DYNC2H1: variants seen among roughly 807,000 people sequenced by gnomAD.
The protein encoded by DYNC2H1 is cytoplasmic dynein 2 heavy chain 1.
A neutral mutation model predicts 570.0 loss-of-function variants in DYNC2H1; 410 were observed. The ratio of observed to expected loss-of-function variants is 0.72; its 90% CI spans 0.66 to 0.78. DYNC2H1 has a LOEUF of 0.78. DYNC2H1 is among the 30% of genes least tolerant of loss of function. The probability of loss-of-function intolerance (pLI) is 0.00; values close to 1 mark genes in which losing one functional copy is unlikely to be tolerated. For synonymous variants in DYNC2H1, 1,688 were observed against 1,677.6 expected, an observed-to-expected ratio of 1.01 and a Z score of -0.15; for missense variants, 4,865 against 5,046.4, an observed-to-expected ratio of 0.96 and a Z score of 1.09.
At chr11:103,238,830 C>G (rs986738836) in intron 63 of DYNC2H1, among the ~76,000 whole-genome samples, 2 of 152,154 alleles carry the variant, frequency 1.3e-5, no homozygotes, top group African/African-American at 4.8e-5. Flanking sequence ...ACTACGTTAG[C>G]AGAAAGCTCA....
rs1864129865 is a variant in DYNC2H1, at chr11:103,234,110, G to A, written c.9517G>A (p.Glu3173Lys). 6.3e-7 allele frequency: 1 copy of A among 1,575,292 alleles called. No homozygotes were observed. The highest frequency in any genetic ancestry group is 1.8e-5 in the Admixed American group (1 of 54,348). ...GGCACAAGAAACAATCAAAGCTGCAGAAGTCTTAATTAATCAGCTTGACAG... is the reference window on the plus strand; with the variant it reads ...GGCACAAGAAACAATCAAAGCTGCAAAAGTCTTAATTAATCAGCTTGACAG... ...SKAQETIKAA[E>K]VLINQLDREH... is the part of the protein sequence containing the mutation. The change falls in exon 61 of 89, where the codon GAA (glutamate) becomes AAA (lysine). Residue 3173 changes from glutamate (E) to lysine (K), a missense_variant. Glu to Lys is a moderately conservative substitution (Grantham distance 56). Coordinates refer to ENST00000375735, the MANE Select transcript of DYNC2H1 (RefSeq NM_001377.3).
intron 18 of DYNC2H1, 111 bp downstream of exon 18, chr11:103,143,506 A>G: frequency 1.8e-6 from 2 of 1,100,104 alleles, no homozygotes; most frequent in Non-Finnish European, 2.5e-6. Context: ...TGCCTCCTCC[A>G]GATCTCATTT....
In DYNC2H1 at chr11:103,439,974, C is replaced by T. The variant is rs913054565; in HGVS notation, c.12456+3942C>T. ...TTGGCTTGTAGCGTATCCCTTACAGCAGTATATTCTGATTCTTCTGTGATG... is the reference window on the plus strand; with the variant it reads ...TTGGCTTGTAGCGTATCCCTTACAGTAGTATATTCTGATTCTTCTGTGATG... On this transcript the variant is annotated intron_variant, in intron 85 of 88. Coordinates refer to ENST00000375735, the MANE Select transcript of DYNC2H1 (RefSeq NM_001377.3). The surrounding 1 kb of genome is among the most constrained non-coding windows in gnomAD (Gnocchi z 4.1). Among the ~76,000 whole-genome samples the T allele has an allele frequency of 5.9e-5, 9 of 152,070 alleles. No individual in the cohort carries two copies. Among genetic ancestry groups the T allele is most frequent in the African/African-American group, 1.9e-4 (8 of 41,412 alleles).
chr11:103,174,148 CA>C lies in DYNC2H1; in HGVS notation c.5656del (p.Ser1886ValfsTer17). 1 of 1,579,352 alleles carries C rather than the reference CA, an allele frequency of 6.3e-7. No homozygotes were observed. The highest frequency in any genetic ancestry group is 8.6e-7 in the Non-Finnish European group (1 of 1,160,978). Reference sequence around the variant, plus strand: ...GTGGAAATCTCCTTAGACAGCTAAACAAAAGTGGCACTACACAGAATGGTAT... The same window carrying C: ...GTGGAAATCTCCTTAGACAGCTAAACAAAGTGGCACTACACAGAATGGTAT... ...GSGNLLRQLN[K>X]SGTTQNANES... On this transcript the variant is annotated frameshift_variant, in exon 36 of 89. Coordinates refer to ENST00000375735, the MANE Select transcript of DYNC2H1 (RefSeq NM_001377.3). LOFTEE classifies it high-confidence loss of function.
intron 54 of DYNC2H1, among the ~76,000 whole-genome samples, chr11:103,214,446 C>CT (rs200386358): frequency 0.17 from 21,395 of 127,102 alleles, 2,576 homozygotes; most frequent in African/African-American, 0.29. Context: ...ACTTCTTCTT[C>CT]TTTTTTTTTT....
At chr11:103,314,286 C>T (rs1937685539) in intron 79 of DYNC2H1, among the ~76,000 whole-genome samples, 1 of 152,010 alleles carries the variant, frequency 6.6e-6, no homozygotes, top group African/African-American at 2.4e-5. Context: ...ATAACTCAAA[C>T]AGTAGGTAGC....
chr11:103,180,712 C>T (rs1861816003), intron 39 of DYNC2H1, among the ~76,000 whole-genome samples: 1 of 151,244 alleles, frequency 6.6e-6, no homozygotes, highest in African/African-American at 2.4e-5. Flanking sequence ...TGGTATGAAG[C>T]AGTGTTGTAT....
chr11:103,146,309 A>C (rs1860237390), intron 18 of DYNC2H1, among the ~76,000 whole-genome samples: 1 of 152,224 alleles, frequency 6.6e-6, no homozygotes, highest in Non-Finnish European at 1.5e-5. Context: ...CAAAGTTTTC[A>C]GATTTGTTTT....
chr11:103,406,121 T>C (rs1205945017), intron 84 of DYNC2H1: 2 of 152,052 alleles, frequency 1.3e-5, no homozygotes, highest in African/African-American at 4.8e-5. Flanking sequence ...TGATGCAGAA[T>C]AGTCTTGCAG....
intron 84 of DYNC2H1, among the ~76,000 whole-genome samples, chr11:103,411,258 T>C (rs1367717506): frequency 1.3e-5 from 2 of 152,126 alleles, no homozygotes; most frequent in Non-Finnish European, 2.9e-5. Context: ...GGGTTACTCA[T>C]AATTAGGGTA....
chr11:103,317,674 C>A (rs1436255001), intron 80 of DYNC2H1, among the ~76,000 whole-genome samples: 1 of 152,018 alleles, frequency 6.6e-6, no homozygotes, highest in Non-Finnish European at 1.5e-5. Context: ...GGTGTTCTTC[C>A]TTCGGTCTGA....
chr11:103,173,126 T>G lies in DYNC2H1; in HGVS notation c.5379T>G (p.Pro1793=). Residue 1793 remains proline (P), a synonymous_variant, in exon 35 of 89, where the codon CCT becomes CCG. Transcript: ENST00000375735. ...CTGGAATTTTTATCACTATGAATCC[T>G]GCTGGAAAAGGTTATGGAGGAAGAC... ...SNSGIFITMN[P]AGKGYGGRQK... is the part of the protein sequence containing the mutation. 6.7e-7 allele frequency: 1 copy of G among 1,496,842 alleles called. No homozygotes were observed. The highest frequency in any genetic ancestry group is 8.9e-7 in the Non-Finnish European group (1 of 1,122,068). The allele number at this position is 1,496,842 out of a possible 1,614,324, so 92.7% of individuals were successfully genotyped here. A position where few individuals can be genotyped will look rare whatever the true frequency, so the allele number is the denominator to read the frequency against.
At chr11:103,125,402 ACTGC>A (rs1336552993) in intron 12 of DYNC2H1, 107 bp downstream of exon 12, 3 of 812,472 alleles carry the variant, frequency 3.7e-6, no homozygotes, top group Non-Finnish European at 5.3e-6. Flanking sequence ...ATAGAATAGC[ACTGC>A]CAGCTGTGAA....
intron 82 of DYNC2H1, among the ~76,000 whole-genome samples, chr11:103,327,915 G>A (rs1020025351): frequency 3.9e-5 from 6 of 152,024 alleles, no homozygotes; most frequent in African/African-American, 7.2e-5. Context: ...AAGGAACAGG[G>A]GTTTCATGAC....
At chr11:103,383,113 G>T (rs1408094288) in intron 83 of DYNC2H1, among the ~76,000 whole-genome samples, 1 of 152,210 alleles carries the variant, frequency 6.6e-6, no homozygotes, top group African/African-American at 2.4e-5. Flanking sequence ...TTGAGGGGGG[G>T]ATTCTTTGGC....
intron 85 of DYNC2H1, among the ~76,000 whole-genome samples, chr11:103,442,710 T>C (rs915118440): frequency 2.0e-5 from 3 of 152,092 alleles, no homozygotes; most frequent in Non-Finnish European, 2.9e-5. Context: ...ACAAAATCTT[T>C]CCCGAATTTC....
Position 103,152,278 on chromosome 11 carries a change from A to G in DYNC2H1, c.3089A>G (p.Lys1030Arg). The G allele has an allele frequency of 6.3e-7, 1 of 1,599,668 alleles. No homozygotes were observed. Among genetic ancestry groups the G allele is most frequent in the Non-Finnish European group, 8.5e-7 (1 of 1,175,574 alleles). The part of the protein sequence containing the change: ...LMMESHQLMI[K>R]DQIEVMKGNV... ...ATGGAAAGTCACCAACTTATGATTA[A>G]AGACCAGGTTAGAATCTTTTAATTA... The change falls in exon 21 of 89, where the codon AAA becomes AGA. Residue 1030 changes from lysine (K) to arginine (R), a missense_variant. By Grantham distance (26) the Lys-to-Arg change is conservative. Transcript: ENST00000375735.
chr11:103,299,203 A>T lies in DYNC2H1; in HGVS notation c.11096-3890A>T, dbSNP rs1866953763. 1.3e-5 allele frequency among the ~76,000 whole-genome samples: 2 copies of T among 152,090 alleles called. No individual in the cohort carries two copies. The highest frequency in any genetic ancestry group is 1.3e-4 in the Admixed American group (2 of 15,246). On this transcript the variant is annotated intron_variant, in intron 75 of 88. Transcript: ENST00000375735. This position sits in a 1 kb window ranked among gnomAD's most constrained non-coding sequence, Gnocchi z 4.5. ...TATTTTTGAACTATGCATCTTTCCT[A>T]GTTTTACAGTTCTGTACCTCTTATG...
chr11:103,140,761 G>T (rs1354329932), intron 17 of DYNC2H1, among the ~76,000 whole-genome samples: 1 of 152,296 alleles, frequency 6.6e-6, no homozygotes. Context: ...TGCCTTGCTA[G>T]ATTGGGGAAG....
Sources: allele counts gnomAD v4.1 joint callset (sites outside exome capture counted in the v4.1 genomes callset), GRCh38; gene constraint gnomAD v4.1.1; non-coding constraint Gnocchi (gnomAD v3.1); transcripts MANE v1.5; gene names NCBI Gene and HGNC (gene_info 2026-07-23, HGNC 2026-07-21).